CCDC47: variants seen among roughly 807,000 people sequenced by gnomAD.
The protein encoded by CCDC47 is coiled-coil domain containing 47.
A neutral mutation model predicts 60.5 loss-of-function variants in CCDC47; 41 were observed. That is an observed-to-expected ratio of 0.68 (90% CI 0.53 to 0.88). The LOEUF (loss-of-function observed/expected upper bound fraction) is 0.88, where lower values mean the gene tolerates loss of function less well. Among genes scored for constraint, CCDC47 ranks in the 40% least tolerant of loss-of-function variants. The pLI is 0.00. For missense variants in CCDC47, 513 were observed against 580.9 expected (o/e 0.88, Z 1.20); for synonymous variants, 195 against 190.7 (o/e 1.02, Z -0.18).
chr17:63,764,885 T>C, intron 2 of CCDC47, 38 bp from the exon 3 acceptor site: 9 of 1,594,482 alleles, frequency 5.6e-6, no homozygotes, highest in Non-Finnish European at 7.7e-6. Context: ...CCTCTACAAA[T>C]GTCACCAGCA....
chr17:63,761,831 T>G (rs982474560), intron 4 of CCDC47: 2 of 978,424 alleles, frequency 2.0e-6, no homozygotes, highest in Non-Finnish European at 2.4e-6. Context: ...AGATTAGCAC[T>G]GTTCGTTTTA....
intron 12 of CCDC47, among the ~76,000 whole-genome samples, chr17:63,750,938 G>A (rs1390496526): frequency 3.3e-5 from 5 of 150,806 alleles, no homozygotes; most frequent in Admixed American, 3.3e-4. Flanking sequence ...GCAGTGGTGT[G>A]ATCATAGCTC....
chr17:63,760,062 C>CA (rs10643408), intron 6 of CCDC47, among the ~76,000 whole-genome samples: 2,644 of 98,336 alleles, frequency 0.027, 113 homozygotes, highest in Middle Eastern at 0.048. Context: ...GACTCCGTCT[C>CA]AAAAAAAAAA....
chr17:63,755,454 T>C (rs1240759608), intron 8 of CCDC47: 1 of 121,612 alleles, frequency 8.2e-6, no homozygotes, highest in African/African-American at 3.3e-5. Context: ...ACCCCATCTC[T>C]ACTAAGAAAA....
chr17:63,765,052 GACT>G (rs2039287204), intron 2 of CCDC47: 11 of 670,304 alleles, frequency 1.6e-5, no homozygotes, highest in Non-Finnish European at 1.8e-5. Flanking sequence ...GCAGCAAGGT[GACT>G]ACAGTTAATA....
At chr17:63,771,013 A>AAAGGAAGGAAGGAAGGAAGGAAGG (rs775583739) in intron 1 of CCDC47, among the ~76,000 whole-genome samples, 1 of 110,178 alleles carries the variant, frequency 9.1e-6, no homozygotes, top group African/African-American at 3.4e-5. Flanking sequence ...AGAAAGAAAG[A>AAAGGAAGGAAGGAAGGAAGGAAGG]AAGGAAGGAA....
At chr17:63,762,107 G>A (rs2039265921) in intron 4 of CCDC47, 2 of 984,602 alleles carry the variant, frequency 2.0e-6, no homozygotes, top group African/African-American at 3.5e-5. Context: ...ATGATAACTG[G>A]GTCTTACTAA....
chr17:63,747,234 T>C (rs2082289328), intron 12 of CCDC47: 1 of 984,106 alleles, frequency 1.0e-6, no homozygotes, highest in Admixed American at 6.1e-5. Context: ...AACCAGCCTT[T>C]GTTATTCTGG....
rs1002636880 is a variant in CCDC47, at chr17:63,746,394, A to G, written c.*487T>C. The G allele has an allele frequency of 6.5e-6, 1 of 153,868 alleles. No homozygotes were observed. The highest frequency in any genetic ancestry group is 2.4e-5 in the African/African-American group (1 of 41,468). The allele number at this position is 153,868 out of a possible 1,614,324, so 9.5% of individuals were successfully genotyped here. A position where few individuals can be genotyped will look rare whatever the true frequency, so the allele number is the denominator to read the frequency against. ...TTACTTTTTCTCAAGTTTAATGTAG[A>G]CATACAAGAAAACATCAAGCAATGT... On this transcript the variant is annotated 3_prime_UTR_variant, in exon 13 of 13. Coordinates refer to ENST00000225726, the MANE Select transcript of CCDC47 (RefSeq NM_020198.3).
chr17:63,759,566 T>A lies in CCDC47; in HGVS notation c.735+1348A>T, dbSNP rs867330263. On this transcript the variant is annotated intron_variant, in intron 6 of 12. Transcript: ENST00000225726. ...ATATATATATATATATATATATATA[T>A]ATATATATATAAAACAATGATTTTC... Among the ~76,000 whole-genome samples, 670 of 87,930 alleles carry A rather than the reference T, an allele frequency of 7.6e-3. 83 individuals carry two copies. The highest frequency in any genetic ancestry group is 0.026 in the African/African-American group (563 of 21,718). 57.7% of individuals were successfully genotyped at this position (87,930 alleles called of 152,430 possible). A position where few individuals can be genotyped will look rare whatever the true frequency, so the allele number is the denominator to read the frequency against.
chr17:63,766,262 T>C, intron 1 of CCDC47, 68 bp from the exon 2 acceptor site: 1 of 1,369,936 alleles, frequency 7.3e-7, no homozygotes, highest in South Asian at 1.5e-5. Context: ...TTATAAACAG[T>C]AAAAATCTAT....
intron 4 of CCDC47, 48 bp downstream of exon 4, chr17:63,763,968 C>T: frequency 1.3e-6 from 2 of 1,499,386 alleles, no homozygotes; most frequent in Non-Finnish European, 1.8e-6. Flanking sequence ...ATCATCCTTA[C>T]CAGATTGTTT....
chr17:63,747,598 C>G (rs1039797291), intron 12 of CCDC47: 1 of 985,076 alleles, frequency 1.0e-6, no homozygotes. Flanking sequence ...GAGGTCAAGT[C>G]AAAGTATGAC....
chr17:63,758,775 A>C (rs1293616718), intron 6 of CCDC47, among the ~76,000 whole-genome samples: 1 of 152,146 alleles, frequency 6.6e-6, no homozygotes, highest in Non-Finnish European at 1.5e-5. Flanking sequence ...TGGAAGAAGG[A>C]AAATGTTAAT....
chr17:63,754,326 C>T (rs2039188917), intron 9 of CCDC47, 107 bp downstream of exon 9: 17 of 706,324 alleles, frequency 2.4e-5, no homozygotes, highest in Non-Finnish European at 4.2e-5. Context: ...CTGTCACCAA[C>T]TTCCTTCACA....
chr17:63,747,713 A>G, intron 12 of CCDC47: 1 of 985,258 alleles, frequency 1.0e-6, no homozygotes, highest in Non-Finnish European at 1.2e-6. Flanking sequence ...GCTCAGAAAT[A>G]TACTCAACTG....
rs779664084 is a variant in CCDC47, at chr17:63,752,806, TAAAAG to T, written c.1035-12_1035-8del. On this transcript the variant is annotated splice_polypyrimidine_tract_variant and splice_region_variant and intron_variant, in intron 9 of 12. Transcript: ENST00000225726. ...CTTTAAAGGCTGACCTTCCCTGTCATAAAAGAAAAGGCAATTAAGAAGGAATACAA... is the reference window on the plus strand; with the variant it reads ...CTTTAAAGGCTGACCTTCCCTGTCATAAAAGGCAATTAAGAAGGAATACAA... The T allele has an allele frequency of 4.7e-5, 75 of 1,610,012 alleles. No individual in the cohort carries two copies. The highest frequency in any genetic ancestry group is 5.9e-5 in the Non-Finnish European group (69 of 1,178,366).
In CCDC47 at chr17:63,759,505, AAAAATATATATATATATATATTTATAT is replaced by A. The variant is rs1568249013; in HGVS notation, c.735+1382_735+1408del. On this transcript the variant is annotated intron_variant, in intron 6 of 12. Transcript: ENST00000225726. ...TTCTGTCTCCCAAAAAAAAAAAAAA[AAAAATATATATATATATATATTTATAT>A]ATATATATATATATATATATATATA... is the stretch of plus-strand genomic sequence containing the variant. Among the ~76,000 whole-genome samples the A allele has an allele frequency of 5.8e-4, 14 of 24,056 alleles. 1 individual carries two copies. The African/African-American group carries it at 6.5e-3, about 11-fold the overall frequency. The allele number at this position is 24,056 out of a possible 152,430, so 15.8% of individuals were successfully genotyped here.
chr17:63,753,619 C>G, intron 9 of CCDC47: 1 of 980,262 alleles, frequency 1.0e-6, no homozygotes, highest in Non-Finnish European at 1.2e-6. Context: ...AATCCAAGTC[C>G]TGAATATGTA....
Sources: allele counts gnomAD v4.1 joint callset (sites outside exome capture counted in the v4.1 genomes callset), GRCh38; gene constraint gnomAD v4.1.1; transcripts MANE v1.5; gene names NCBI Gene and HGNC (gene_info 2026-07-23, HGNC 2026-07-21).